Variants in CYFIP1 observed in about 807,000 individuals in gnomAD.
The protein encoded by CYFIP1 is cytoplasmic FMR1 interacting protein 1, also known as cytoplasmic FMR1-interacting protein 1.
A neutral mutation model predicts 163.5 loss-of-function variants in CYFIP1; 58 were observed. The ratio of observed to expected loss-of-function variants is 0.35; its 90% confidence interval spans 0.29 to 0.44. CYFIP1 has a LOEUF of 0.44. CYFIP1 is among the 20% of genes least tolerant of loss of function. The pLI, the probability that CYFIP1 is intolerant of heterozygous loss-of-function variation, is 1.00. For missense variants in CYFIP1, 1,338 were observed against 1,653.8 expected (o/e 0.81, Z 3.31); for synonymous variants, 663 against 660.7 (o/e 1.00, Z -0.05).
chr15:22,955,584 T>C (rs1178296148), intron 1 of CYFIP1, among the ~76,000 whole-genome samples: 1 of 145,430 alleles, frequency 6.9e-6, no homozygotes, highest in East Asian at 2.1e-4. Context: ...CTGAAGATGC[T>C]GGAGAAAGTT....
At chr15:22,947,421 G>A (rs1184781238) in intron 1 of CYFIP1, 130 bp from the exon 2 acceptor site, 3 of 1,303,228 alleles carry the variant, frequency 2.3e-6, no homozygotes, top group East Asian at 2.4e-5. Context: ...GCTGACAGGG[G>A]CATGATCAGT....
At chr15:22,972,952 A>G (rs2063149301) in intron 1 of CYFIP1, among the ~76,000 whole-genome samples, 1 of 152,128 alleles carries the variant, frequency 6.6e-6, no homozygotes, top group Non-Finnish European at 1.5e-5. Flanking sequence ...CCTGGCCAAC[A>G]TGGTGAAACC....
At chr15:22,944,751 TG>T (rs1259554351) in intron 4 of CYFIP1, 92 bp from the exon 5 acceptor site, 3 of 1,511,930 alleles carry the variant, frequency 2.0e-6, no homozygotes, top group East Asian at 4.5e-5. Context: ...CGCCCTGCTG[TG>T]GGGTGAGAAC....
intron 1 of CYFIP1, among the ~76,000 whole-genome samples, chr15:22,977,084 A>G (rs1385221402): frequency 1.3e-5 from 2 of 152,140 alleles, no homozygotes; most frequent in African/African-American, 4.8e-5. Flanking sequence ...CTGTAATCCC[A>G]GCTACTCGGG....
intron 13 of CYFIP1, 111 bp from the exon 14 acceptor site, chr15:22,918,969 C>T (rs2061089603): frequency 1.2e-6 from 1 of 834,220 alleles, no homozygotes; most frequent in Non-Finnish European, 1.9e-6. Context: ...CTTACGCCCT[C>T]CCGCGTTCGT....
rs763053554 is a variant in CYFIP1, at chr15:22,882,909, C to T, written c.2779G>A (p.Ala927Thr). 8.7e-6 allele frequency: 14 copies of T among 1,613,858 alleles called. No individual in the cohort carries two copies. Among genetic ancestry groups the T allele is most frequent in the South Asian group, 4.4e-5 (4 of 91,076 alleles). The change falls in exon 24 of 31, where the codon GCC (alanine) becomes ACC (threonine). Residue 927 changes from alanine to threonine, a missense_variant. Physicochemically the swap from Ala to Thr is moderately conservative, Grantham distance 58. Transcript: ENST00000617928. ...TTCAGCAGCTCCTCCATGACCACGG[C>T]GATACCCTGGTAGCCGAGAAGCCGG... ...ICRLLGYQGI[A>T]VVMEELLKVV...
At chr15:22,898,618 T>C (rs1468641450) in intron 22 of CYFIP1, among the ~76,000 whole-genome samples, 4 of 152,064 alleles carry the variant, frequency 2.6e-5, no homozygotes, top group Admixed American at 2.6e-4. Context: ...CACTACAGCC[T>C]AGACCTCCCC....
intron 26 of CYFIP1, among the ~76,000 whole-genome samples, chr15:22,876,872 TTTATC>T (rs762828137): frequency 7.3e-5 from 11 of 151,512 alleles, no homozygotes; most frequent in African/African-American, 1.9e-4. Context: ...CTTTTGACAC[TTTATC>T]TTATTTCCAA....
intron 1 of CYFIP1, among the ~76,000 whole-genome samples, chr15:22,957,318 C>G (rs1038773406): frequency 6.6e-6 from 1 of 151,950 alleles, no homozygotes; most frequent in African/African-American, 2.4e-5. Context: ...CTGGCTAACA[C>G]GGTGAAACCT....
chr15:22,910,959 G>A (rs896325304), intron 18 of CYFIP1, 146 bp from the exon 19 acceptor site: 1 of 701,792 alleles, frequency 1.4e-6, no homozygotes, highest in African/African-American at 1.8e-5. Context: ...GCCCAGGCTG[G>A]AGCGCAGTAG....
At chr15:22,890,878 G>C (rs1390483116) in intron 23 of CYFIP1, among the ~76,000 whole-genome samples, 1 of 152,158 alleles carries the variant, frequency 6.6e-6, no homozygotes, top group African/African-American at 2.4e-5. Flanking sequence ...AGAACGCGGA[G>C]TGTGGAATGA....
At chr15:22,976,562 T>C (rs920608826) in intron 1 of CYFIP1, among the ~76,000 whole-genome samples, 9 of 131,126 alleles carry the variant, frequency 6.9e-5, no homozygotes, top group Non-Finnish European at 3.7e-5. Context: ...TACAGTCAAC[T>C]GCCCTCCAAA....
At chr15:22,888,859 G>A (rs1051892324) in intron 23 of CYFIP1, among the ~76,000 whole-genome samples, 4 of 151,974 alleles carry the variant, frequency 2.6e-5, no homozygotes, top group African/African-American at 9.7e-5. Flanking sequence ...TGGCTAACAT[G>A]GTGAAACCCT....
intron 16 of CYFIP1, among the ~76,000 whole-genome samples, chr15:22,915,988 G>A (rs2060963948): frequency 6.6e-6 from 1 of 152,214 alleles, no homozygotes; most frequent in Admixed American, 6.5e-5. Flanking sequence ...TTCTGAGCAA[G>A]AGGTGGACAA....
intron 23 of CYFIP1, among the ~76,000 whole-genome samples, chr15:22,892,681 A>C (rs2060114232): frequency 6.6e-6 from 1 of 152,218 alleles, no homozygotes; most frequent in African/African-American, 2.4e-5. Context: ...CGCTAGTTCT[A>C]GATAAGCACT....
chr15:22,874,792 C>T, intron 27 of CYFIP1, 148 bp from the exon 28 acceptor site: 6 of 603,500 alleles, frequency 9.9e-6, no homozygotes, highest in South Asian at 5.6e-5. Context: ...AGAACTGGCT[C>T]ATTTAATATT....
chr15:22,895,547 C>T (rs2060212558), intron 22 of CYFIP1, among the ~76,000 whole-genome samples: 1 of 152,150 alleles, frequency 6.6e-6, no homozygotes, highest in Non-Finnish European at 1.5e-5. Flanking sequence ...GCCTCTGGCC[C>T]AGTTCTAGGA....
At position 22,873,609 on chromosome 15, in the gene CYFIP1, C is replaced by T. The variant is rs753559686; in HGVS notation, c.3331G>A (p.Gly1111Arg). ...ATGACCCCATTGCTGGGCAGAGGCC[C>T]GCGCCAGATGGGGTCATCCAGAAAG... ...RSFLDDPIWR[G>R]PLPSNGVMHV... Residue 1111 changes from glycine (G) to arginine (R), a missense_variant, in exon 29 of 31, where the codon GGG becomes AGG. Gly to Arg is a moderately radical substitution (Grantham distance 125). This residue lies in a region of CYFIP1 where 306 missense variants were observed against 322.1 expected (regional missense o/e 0.95). Coordinates refer to ENST00000617928, the MANE Select transcript of CYFIP1 (RefSeq NM_014608.6). 5.6e-6 allele frequency: 9 copies of T among 1,614,246 alleles called. No individual in the cohort carries two copies. The highest frequency in any genetic ancestry group is 1.6e-4 in the Middle Eastern group (1 of 6,062).
At chr15:22,896,876 A>T (rs1489053880) in intron 22 of CYFIP1, among the ~76,000 whole-genome samples, 1 of 152,082 alleles carries the variant, frequency 6.6e-6, no homozygotes, top group Non-Finnish European at 1.5e-5. Flanking sequence ...TGGGCATTTC[A>T]GTGCCATGTT....
Sources: allele counts gnomAD v4.1 joint callset (sites outside exome capture counted in the v4.1 genomes callset), GRCh38; gene constraint gnomAD v4.1.1; regional missense constraint gnomAD v4.1.1; transcripts MANE v1.5; gene names NCBI Gene and HGNC (gene_info 2026-07-23, HGNC 2026-07-21).